The following MCHR2 variants were observed in gnomAD, a reference collection of about 807,000 sequenced individuals.
MCHR2 encodes the protein melanin concentrating hormone receptor 2, also known as melanin-concentrating hormone receptor 2.
MCHR2 carries 15 observed loss-of-function variants against 24.8 expected under a neutral mutation model. The ratio of observed to expected loss-of-function variants is 0.60; its 90% CI spans 0.40 to 0.93. The LOEUF is 0.93. Among genes scored for constraint, MCHR2 ranks in the 40% least tolerant of loss-of-function variants. The pLI is 0.00. For missense variants in MCHR2, 386 were observed against 408.7 expected (o/e 0.94, Z 0.48); for synonymous variants, 151 against 147.6 (o/e 1.02, Z -0.17).
intron 4 of MCHR2, 78 bp downstream of exon 4, chr6:99,942,871 C>T: frequency 8.1e-7 from 1 of 1,230,150 alleles, no homozygotes; most frequent in Non-Finnish European, 1.2e-6. Flanking sequence ...CTCTTTGAGG[C>T]TGCTCACATG....
At chr6:99,936,136 C>G (rs1171357289) in intron 4 of MCHR2, among the ~76,000 whole-genome samples, 1 of 151,916 alleles carries the variant, frequency 6.6e-6, no homozygotes, top group East Asian at 1.9e-4. Context: ...ATATTTTCTT[C>G]CATTCTGTGC....
At chr6:99,982,498 G>T (rs1775690290) in intron 1 of MCHR2, among the ~76,000 whole-genome samples, 1 of 105,466 alleles carries the variant, frequency 9.5e-6, no homozygotes, top group Non-Finnish European at 1.9e-5. Flanking sequence ...AAAAAGCCAG[G>T]TGTGGTGGCG....
chr6:99,938,251 T>G (rs189011766), intron 4 of MCHR2, among the ~76,000 whole-genome samples: 1 of 152,082 alleles, frequency 6.6e-6, no homozygotes, highest in Admixed American at 6.5e-5. Context: ...TTGGGTTTGG[T>G]TTGTTGCCTT....
intron 1 of MCHR2, among the ~76,000 whole-genome samples, chr6:99,988,465 A>G (rs1467326709): frequency 6.6e-6 from 1 of 152,208 alleles, no homozygotes; most frequent in African/African-American, 2.4e-5. Context: ...TCTTTTGCAC[A>G]CTGGCCCACA....
chr6:99,974,571 T>C (rs1042785658), intron 1 of MCHR2, among the ~76,000 whole-genome samples: 17 of 152,364 alleles, frequency 1.1e-4, no homozygotes, highest in Admixed American at 1.1e-3. Flanking sequence ...GTCAAAGTCA[T>C]TCTCCATCCA....
At chr6:99,950,976 T>C (rs940227510) in intron 2 of MCHR2, among the ~76,000 whole-genome samples, 1 of 152,102 alleles carries the variant, frequency 6.6e-6, no homozygotes, top group Non-Finnish European at 1.5e-5. Flanking sequence ...GAAGCACCAG[T>C]GGGAACTGGA....
At chr6:99,975,388 A>G (rs1243082630) in intron 1 of MCHR2, among the ~76,000 whole-genome samples, 3 of 152,136 alleles carry the variant, frequency 2.0e-5, no homozygotes, top group Non-Finnish European at 2.9e-5. Context: ...GCAGGATATA[A>G]TCTCCTGGTG....
At chr6:99,929,568 A>T (rs1331090766) in intron 5 of MCHR2, among the ~76,000 whole-genome samples, 1 of 151,824 alleles carries the variant, frequency 6.6e-6, no homozygotes, top group East Asian at 1.9e-4. Context: ...CTTCTTGTTG[A>T]ATTGATCCCT....
Position 99,939,955 on chromosome 6 carries a change from CA to C in MCHR2, c.587+2993del, listed in dbSNP as rs1774740933. Among the ~76,000 whole-genome samples, 3 of 149,604 alleles carry C rather than the reference CA, an allele frequency of 2.0e-5. No individual in the cohort carries two copies. In the South Asian group the frequency reaches 6.4e-4, roughly 32 times the overall value. On this transcript the variant is annotated intron_variant, in intron 4 of 5. Transcript: ENST00000281806. ...TGGTTTCTAGTAAGAAGTCCATTTC[CA>C]GATGAATTAGAGCTCCTTTATACGT...
rs1297628896 is a variant in MCHR2 at position 99,947,639 on chromosome 6, AG to A, written c.392+122del. The A allele has an allele frequency of 2.1e-4, 90 of 421,878 alleles. 1 individual carries two copies. In the East Asian group the frequency reaches 0.03, roughly 142 times the overall value. 26.1% of individuals were successfully genotyped at this position (421,878 alleles called of 1,614,324 possible). A position where few individuals can be genotyped will look rare whatever the true frequency, so the allele number is the denominator to read the frequency against. Reference sequence around the variant, plus strand: ...AATATTCTTAAGTAATCAGTTCTACAGTGAAACAAAGGAAGAAAACCTCTGC... The same window carrying A: ...AATATTCTTAAGTAATCAGTTCTACATGAAACAAAGGAAGAAAACCTCTGC... On this transcript the variant is annotated intron_variant, in intron 3 of 5. Coordinates refer to ENST00000281806, the MANE Select transcript of MCHR2 (RefSeq NM_001040179.2).
chr6:99,921,747 A>G (rs542435159), intron 5 of MCHR2, among the ~76,000 whole-genome samples: 5 of 152,156 alleles, frequency 3.3e-5, no homozygotes, highest in Non-Finnish European at 7.4e-5. Flanking sequence ...ATACCCATTA[A>G]CCATCCTCAC....
At position 99,947,845 on chromosome 6, in the gene MCHR2, C is replaced by A; in HGVS notation, c.309G>T (p.Gly103=). 6.2e-6 allele frequency: 10 copies of A among 1,613,658 alleles called. No homozygotes were observed. The highest frequency in any genetic ancestry group is 8.5e-6 in the Non-Finnish European group (10 of 1,179,754). Residue 103 remains glycine (G), a synonymous_variant, in exon 3 of 6, where the codon GGG becomes GGT. Transcript: ENST00000281806. ...WARGGEWVFG[G]PLCTIITSLD... Reference sequence around the variant, plus strand: ...GGGATGTGATGATGGTGCAGAGAGGCCCCCCAAACACCCACTCTCCCCCTC... The same window carrying A: ...GGGATGTGATGATGGTGCAGAGAGGACCCCCAAACACCCACTCTCCCCCTC...
intron 5 of MCHR2, among the ~76,000 whole-genome samples, chr6:99,928,902 G>A (rs868729090): frequency 6.6e-6 from 1 of 151,844 alleles, no homozygotes; most frequent in Admixed American, 6.6e-5. Flanking sequence ...TTTGCTCTTG[G>A]TTTTCTACTT....
At chr6:99,983,107 G>A (rs1171906283) in intron 1 of MCHR2, among the ~76,000 whole-genome samples, 1 of 150,938 alleles carries the variant, frequency 6.6e-6, no homozygotes, top group Non-Finnish European at 1.5e-5. Context: ...ACTTCAGGAG[G>A]GCACCACCAT....
chr6:99,973,005 G>A (rs879773740), intron 1 of MCHR2, among the ~76,000 whole-genome samples: 3 of 152,030 alleles, frequency 2.0e-5, no homozygotes, highest in Non-Finnish European at 4.4e-5. Context: ...TTTGGAATAG[G>A]TGTTGTGTGG....
chr6:99,955,989 G>A lies in MCHR2; in HGVS notation c.159C>T (p.Ile53=), dbSNP rs569661647. The change falls in exon 2 of 6, where the codon ATC becomes ATT. Residue 53 remains isoleucine, a synonymous_variant. Coordinates refer to ENST00000281806, the MANE Select transcript of MCHR2 (RefSeq NM_001040179.2). The part of the protein sequence containing the change: ...IICSTGLVGN[I]LIVFTIIRSR... ...ACCTTATTATAGTGAATACAATGAG[G>A]ATGTTGCCAACCAGCCCTGTTGAAC... 26 of 1,608,054 alleles carry A rather than the reference G, an allele frequency of 1.6e-5. No individual in the cohort carries two copies. In the South Asian group the frequency reaches 2.8e-4, roughly 17 times the overall value.
rs1006763579 is a variant in MCHR2 at position 99,947,874 on chromosome 6, C to T, written c.280G>A (p.Ala94Thr). ...VGMPFLIHQW[A>T]RGGEWVFGGP... ...CCAAACACCCACTCTCCCCCTCGGG[C>T]CCATTGGTGAATAAGAAAAGGCATT... Residue 94 changes from alanine (A) to threonine (T), a missense_variant, in exon 3 of 6, where the codon GCC (alanine) becomes ACC (threonine). By Grantham distance (58) the Ala-to-Thr change is moderately conservative. Coordinates refer to ENST00000281806, the MANE Select transcript of MCHR2 (RefSeq NM_001040179.2). 4 of 1,613,760 alleles carry T rather than the reference C, an allele frequency of 2.5e-6. No individual in the cohort carries two copies. Among genetic ancestry groups the T allele is most frequent in the Non-Finnish European group, 2.5e-6 (3 of 1,179,802 alleles).
intron 1 of MCHR2, among the ~76,000 whole-genome samples, chr6:99,985,352 A>G (rs1365148972): frequency 6.6e-6 from 1 of 152,180 alleles, no homozygotes; most frequent in Non-Finnish European, 1.5e-5. Flanking sequence ...GAAACCAAAA[A>G]AGAGTCTGAA....
intron 5 of MCHR2, among the ~76,000 whole-genome samples, chr6:99,927,192 T>TA (rs1562117180): frequency 1.3e-5 from 2 of 152,194 alleles, no homozygotes; most frequent in Non-Finnish European, 2.9e-5. Flanking sequence ...TCCATTGATC[T>TA]ATATCTCTGT....
Sources: allele counts gnomAD v4.1 joint callset (sites outside exome capture counted in the v4.1 genomes callset), GRCh38; gene constraint gnomAD v4.1.1; transcripts MANE v1.5; gene names NCBI Gene and HGNC (gene_info 2026-07-23, HGNC 2026-07-21).